COL27A1: variants seen among roughly 807,000 people sequenced by gnomAD.
The protein encoded by COL27A1 is collagen type XXVII alpha 1 chain.
Under a neutral mutation model 251.3 loss-of-function variants are expected in COL27A1, and 106 were observed. That is an observed-to-expected ratio of 0.42 (90% CI 0.36 to 0.50). The LOEUF (loss-of-function observed/expected upper bound fraction) is 0.50, where lower values mean the gene tolerates loss of function less well. Among genes scored for constraint, COL27A1 ranks in the 20% least tolerant of loss-of-function variants. The probability of loss-of-function intolerance (pLI) is 0.00; values close to 1 mark genes in which losing one functional copy is unlikely to be tolerated. For missense variants in COL27A1, 2,325 were observed against 2,522.8 expected (o/e 0.92, Z 1.68); for synonymous variants, 1,000 against 986.3 (o/e 1.01, Z -0.26).
chr9:114,220,916 A>T (rs528351352), intron 13 of COL27A1, among the ~76,000 whole-genome samples: 1 of 147,794 alleles, frequency 6.8e-6, no homozygotes, highest in African/African-American at 2.5e-5. Context: ...AATTGCTTGA[A>T]CCCAGGAGGT....
At chr9:114,178,805 C>A (rs561050403) in intron 4 of COL27A1, among the ~76,000 whole-genome samples, 2 of 152,140 alleles carry the variant, frequency 1.3e-5, no homozygotes, top group African/African-American at 2.4e-5. Context: ...GGCTGGGGGA[C>A]AGCTTGGCAG....
In COL27A1 at chr9:114,311,548, G is replaced by GAAAAAAAAA. The variant is rs56094843; in HGVS notation, c.*862_*870dup. ...AGGAGGAAAAAAGAAAAGAAAAAAG[G>GAAAAAAAAA]AAAAAAAAAAAAAAAAAGCAAAACA... On this transcript the variant is annotated 3_prime_UTR_variant, in exon 61 of 61. Coordinates refer to ENST00000356083, the MANE Select transcript of COL27A1 (RefSeq NM_032888.4). The GAAAAAAAAA allele has an allele frequency of 1.0e-5, 1 of 96,220 alleles. No homozygotes were observed. Among genetic ancestry groups the GAAAAAAAAA allele is most frequent in the Non-Finnish European group, 2.4e-5 (1 of 41,938 alleles). 6.0% of individuals were successfully genotyped at this position (96,220 alleles called of 1,614,324 possible).
chr9:114,195,836 C>T, intron 6 of COL27A1, 123 bp from the exon 7 acceptor site: 1 of 825,232 alleles, frequency 1.2e-6, no homozygotes, highest in South Asian at 1.5e-5. Flanking sequence ...GAGGCCTCTA[C>T]TTCTCTATGA....
rs930894146 is a variant in COL27A1, at chr9:114,261,289, A to G, written c.3195+2695A>G. ...GGAGGGCAGTCTCCAGCGTGCCTGC[A>G]GACATCTTCCTCGAGGAGCGGATAC... On this transcript the variant is annotated intron_variant, in intron 28 of 60. Coordinates refer to ENST00000356083, the MANE Select transcript of COL27A1 (RefSeq NM_032888.4). Among the ~76,000 whole-genome samples, 3 of 147,886 alleles carry G rather than the reference A, an allele frequency of 2.0e-5. No homozygotes were observed. The Admixed American group carries it at 2.1e-4, about 10-fold the overall frequency.
At chr9:114,229,782 A>T (rs578184482) in intron 14 of COL27A1, among the ~76,000 whole-genome samples, 210 of 152,242 alleles carry the variant, frequency 1.4e-3, no homozygotes, top group Middle Eastern at 3.4e-3. Context: ...CAGAAGTGAG[A>T]TTTGAGGGAG....
intron 18 of COL27A1, 127 bp from the exon 19 acceptor site, chr9:114,237,535 G>C: frequency 1.3e-6 from 1 of 790,636 alleles, no homozygotes; most frequent in Non-Finnish European, 2.2e-6. Context: ...CCTTCTAGTT[G>C]TCCAGGCAGA....
At position 114,183,197 on chromosome 9, in the gene COL27A1, G is replaced by A. The variant is rs563403351; in HGVS notation, c.2016+122G>A. 174 of 922,454 alleles carry A rather than the reference G, an allele frequency of 1.9e-4. 1 individual carries two copies. The highest frequency in any genetic ancestry group is 1.6e-4 in the Non-Finnish European group (90 of 578,366). 57.1% of individuals were successfully genotyped at this position (922,454 alleles called of 1,614,324 possible). A position where few individuals can be genotyped will look rare whatever the true frequency, so the allele number is the denominator to read the frequency against. On this transcript the variant is annotated intron_variant, in intron 5 of 60. Coordinates refer to ENST00000356083, the MANE Select transcript of COL27A1 (RefSeq NM_032888.4). Reference sequence around the variant, plus strand: ...GGAACTGAGGGGGATTCCCGCCTAAGCCAGGGGCACCCTCTGGGCCCCTTT... The same window carrying A: ...GGAACTGAGGGGGATTCCCGCCTAAACCAGGGGCACCCTCTGGGCCCCTTT...
In COL27A1 at chr9:114,168,686, T is replaced by G. The variant is rs1849080612; in HGVS notation, c.1131T>G (p.Thr377=). 1 of 1,613,910 alleles carries G rather than the reference T, an allele frequency of 6.2e-7. No homozygotes were observed. Among genetic ancestry groups the G allele is most frequent in the Non-Finnish European group, 8.5e-7 (1 of 1,180,016 alleles). Residue 377 remains threonine (T), a synonymous_variant, in exon 3 of 61, where the codon ACT becomes ACG. Transcript: ENST00000356083. The part of the protein sequence containing the change: ...SLPTKPSAPS[T]SIVPIKSPHP... ...CTACCAAGCCTTCGGCCCCTTCTAC[T>G]TCAATTGTGCCCATCAAAAGCCCCC...
chr9:114,163,171 T>A lies in COL27A1; in HGVS notation c.133+386T>A, dbSNP rs533577437. Among the ~76,000 whole-genome samples the A allele has an allele frequency of 2.6e-5, 4 of 151,976 alleles. No individual in the cohort carries two copies. In the South Asian group the frequency reaches 8.3e-4, roughly 32 times the overall value. On this transcript the variant is annotated intron_variant, in intron 2 of 60. Coordinates refer to ENST00000356083, the MANE Select transcript of COL27A1 (RefSeq NM_032888.4). ...ATCGCTTCAACCCAGGAGGCGGAGG[T>A]TGCAGTGTGCCCAGATCACGCCACT...
At chr9:114,202,967 T>C (rs1200753759) in intron 7 of COL27A1, among the ~76,000 whole-genome samples, 2 of 152,236 alleles carry the variant, frequency 1.3e-5, no homozygotes, top group African/African-American at 4.8e-5. Context: ...AAAAAGCATA[T>C]AACATAAAAT....
intron 5 of COL27A1, among the ~76,000 whole-genome samples, chr9:114,191,613 T>C (rs1001243932): frequency 6.6e-6 from 1 of 152,248 alleles, no homozygotes; most frequent in Admixed American, 6.5e-5. Flanking sequence ...TTTTTATGGC[T>C]GCATAGTATT....
chr9:114,277,546 T>G (rs1835586151), intron 37 of COL27A1, among the ~76,000 whole-genome samples: 1 of 152,184 alleles, frequency 6.6e-6, no homozygotes, highest in African/African-American at 2.4e-5. Context: ...GGGAAAATAT[T>G]TGTTTCCTAA....
intron 27 of COL27A1, among the ~76,000 whole-genome samples, chr9:114,256,068 T>C (rs1833898567): frequency 6.6e-6 from 1 of 152,232 alleles, no homozygotes; most frequent in Non-Finnish European, 1.5e-5. Flanking sequence ...ATTGCCACTA[T>C]TATGAGTAAG....
In COL27A1 at chr9:114,169,149, G is replaced by A; in HGVS notation, c.1594G>A (p.Gly532Arg). ...CCCCACTCCTGGCTCAGCTCCCACT[G>A]GAAGCAAGAAGCCCATTGGATCGGA... ...AVPTPGSAPTGSKKPIGSEAS... is the reference protein window; with the variant it reads ...AVPTPGSAPTRSKKPIGSEAS... The change falls in exon 3 of 61, where the codon GGA (glycine) becomes AGA (arginine). Residue 532 changes from glycine (G) to arginine (R), a missense_variant. Around this residue, in one of 4 missense-constraint regions of COL27A1, gnomAD observed 1,183 missense variants for 1,144.1 expected, o/e 1.03. Transcript: ENST00000356083. 1.2e-6 allele frequency: 2 copies of A among 1,614,082 alleles called. No homozygotes were observed. The highest frequency in any genetic ancestry group is 1.7e-6 in the Non-Finnish European group (2 of 1,180,016).
At chr9:114,251,595 A>C (rs1165706115) in intron 25 of COL27A1, among the ~76,000 whole-genome samples, 1 of 152,230 alleles carries the variant, frequency 6.6e-6, no homozygotes, top group Non-Finnish European at 1.5e-5. Context: ...AGCATCTTAC[A>C]TAATGATAGC....
Position 114,167,942 on chromosome 9 carries a change from G to T in COL27A1, c.387G>T (p.Gln129His). ...SQKRKLQLGLQFLPGKTVVHL... is the reference protein window; with the variant it reads ...SQKRKLQLGLHFLPGKTVVHL... ...AACGCAAGCTGCAGCTGGGCCTGCA[G>T]TTCCTCCCCGGCAAGACGGTCGTCC... The change falls in exon 3 of 61, where the codon CAG (glutamine) becomes CAT (histidine). Residue 129 changes from glutamine (Q) to histidine (H), a missense_variant. Transcript: ENST00000356083. The T allele has an allele frequency of 6.2e-7, 1 of 1,609,864 alleles. No individual in the cohort carries two copies.
intron 17 of COL27A1, among the ~76,000 whole-genome samples, chr9:114,235,962 C>T (rs1175638893): frequency 6.6e-6 from 1 of 152,118 alleles, no homozygotes; most frequent in Non-Finnish European, 1.5e-5. Context: ...CTCCCTATTG[C>T]TCTCAGAATG....
At chr9:114,239,059 G>A (rs958158173) in intron 19 of COL27A1, among the ~76,000 whole-genome samples, 2 of 152,208 alleles carry the variant, frequency 1.3e-5, no homozygotes, top group East Asian at 1.9e-4. Flanking sequence ...CTCTGTAGCC[G>A]AGAGATAGCT....
Position 114,161,963 on chromosome 9 carries a change from A to C in COL27A1, c.63-752A>C, listed in dbSNP as rs545155422. On this transcript the variant is annotated intron_variant, in intron 1 of 60. Coordinates refer to ENST00000356083, the MANE Select transcript of COL27A1 (RefSeq NM_032888.4). ...ATTGAATCCTCATGCCCGGCCTGTGAGATAGGGAATATCAGCCCATGTTGC... is the reference window on the plus strand; with the variant it reads ...ATTGAATCCTCATGCCCGGCCTGTGCGATAGGGAATATCAGCCCATGTTGC... Among the ~76,000 whole-genome samples, 17 of 152,330 alleles carry C rather than the reference A, an allele frequency of 1.1e-4. No individual in the cohort carries two copies. The East Asian group carries it at 3.3e-3, about 29-fold the overall frequency.
Sources: gnomAD v4.1 joint callset for allele counts (sites outside exome capture counted in the v4.1 genomes callset) on GRCh38, gnomAD v4.1.1 for gene constraint, gnomAD v4.1.1 regional missense constraint, MANE v1.5 for transcripts, NCBI Gene and HGNC (gene_info 2026-07-23, HGNC 2026-07-21) for gene names.